MIPOL1: variants seen among roughly 807,000 people sequenced by gnomAD.
MIPOL1 encodes the protein mirror-image polydactyly 1.
MIPOL1 carries 57 observed loss-of-function variants against 60.9 expected under a neutral mutation model. That is an observed-to-expected ratio of 0.94 (90% CI 0.76 to 1.17). The LOEUF is 1.17. Ranked by LOEUF, MIPOL1 falls within the 50% of genes most tolerant of loss-of-function variation. MIPOL1 has a pLI of 0.00. For synonymous variants in MIPOL1, 179 were observed against 168.8 expected (o/e 1.06, Z -0.47); for missense variants, 551 against 511.6 (o/e 1.08, Z -0.74).
At chr14:37,323,033 G>GTC (rs2088773139) in intron 9 of MIPOL1, among the ~76,000 whole-genome samples, 1 of 152,052 alleles carries the variant, frequency 6.6e-6, no homozygotes, top group Non-Finnish European at 1.5e-5. Flanking sequence ...TGGTGTTTTA[G>GTC]TCATGAAGTC....
intron 9 of MIPOL1, among the ~76,000 whole-genome samples, chr14:37,317,596 T>C (rs574315375): frequency 9.9e-5 from 15 of 152,180 alleles, no homozygotes; most frequent in African/African-American, 3.4e-4. Flanking sequence ...ATGAGGCACA[T>C]AGAAAGAAAC....
chr14:37,271,783 C>A (rs1276606184), intron 6 of MIPOL1, among the ~76,000 whole-genome samples: 1 of 151,466 alleles, frequency 6.6e-6, no homozygotes, highest in African/African-American at 2.4e-5. Flanking sequence ...GATACTCTTA[C>A]AAGAATTTTG....
intron 1 of MIPOL1, among the ~76,000 whole-genome samples, chr14:37,225,465 C>T (rs1198752166): frequency 1.3e-5 from 2 of 152,188 alleles, no homozygotes; most frequent in Non-Finnish European, 2.9e-5. Flanking sequence ...GGCTCAACAC[C>T]ACATGGAAGC....
intron 9 of MIPOL1, among the ~76,000 whole-genome samples, chr14:37,312,748 ATTGT>A (rs1390555306): frequency 6.6e-6 from 1 of 152,096 alleles, no homozygotes; most frequent in Non-Finnish European, 1.5e-5. Context: ...ATAATTAGCA[ATTGT>A]TTGATCAAGG....
At chr14:37,328,293 G>A (rs1027893958) in intron 9 of MIPOL1, among the ~76,000 whole-genome samples, 4 of 152,060 alleles carry the variant, frequency 2.6e-5, no homozygotes, top group Non-Finnish European at 5.9e-5. Context: ...GGGATTACAG[G>A]CATAAGCCAC....
chr14:37,537,422 G>C (rs1043580880), intron 12 of MIPOL1, among the ~76,000 whole-genome samples: 1 of 151,968 alleles, frequency 6.6e-6, no homozygotes, highest in African/African-American at 2.4e-5. Context: ...ATTTTCTGTA[G>C]TATAATGATA....
intron 11 of MIPOL1, among the ~76,000 whole-genome samples, chr14:37,492,854 A>G (rs1003633908): frequency 1.4e-4 from 22 of 152,144 alleles, no homozygotes; most frequent in African/African-American, 3.9e-4. Context: ...TGCTAGTACC[A>G]TCTCACCCTC....
At chr14:37,259,258 T>A (rs566088371) in intron 3 of MIPOL1, among the ~76,000 whole-genome samples, 1 of 152,164 alleles carries the variant, frequency 6.6e-6, no homozygotes, top group East Asian at 1.9e-4. Flanking sequence ...ATATACCTTA[T>A]TAAGAATTAC....
At chr14:37,501,791 G>C (rs572634290) in intron 12 of MIPOL1, 1 of 152,272 alleles carries the variant, frequency 6.6e-6, no homozygotes, top group Admixed American at 6.5e-5. Flanking sequence ...AGCAGGGCAG[G>C]GTGTCACCTC....
chr14:37,250,937 G>A (rs1269915719), intron 3 of MIPOL1, among the ~76,000 whole-genome samples: 1 of 152,090 alleles, frequency 6.6e-6, no homozygotes, highest in Non-Finnish European at 1.5e-5. Context: ...GATTGATAAT[G>A]TAACATATAG....
At chr14:37,233,419 T>TA (rs1970934046) in intron 1 of MIPOL1, among the ~76,000 whole-genome samples, 1 of 152,332 alleles carries the variant, frequency 6.6e-6, no homozygotes, top group Non-Finnish European at 1.5e-5. Context: ...AATTAAAAGA[T>TA]AAAAAATATA....
intron 7 of MIPOL1, among the ~76,000 whole-genome samples, chr14:37,292,065 A>G (rs891880877): frequency 2.0e-5 from 3 of 151,766 alleles, no homozygotes; most frequent in Non-Finnish European, 4.4e-5. Flanking sequence ...AGCTGGGGCT[A>G]CAGGCGCCTG....
chr14:37,458,234 C>T (rs985786886), intron 11 of MIPOL1, among the ~76,000 whole-genome samples: 1 of 152,090 alleles, frequency 6.6e-6, no homozygotes, highest in Admixed American at 6.6e-5. Flanking sequence ...ACTTCAACAT[C>T]CCAATGCCAG....
At chr14:37,452,464 C>T (rs2094434042) in intron 11 of MIPOL1, among the ~76,000 whole-genome samples, 1 of 152,080 alleles carries the variant, frequency 6.6e-6, no homozygotes, top group Admixed American at 6.6e-5. Flanking sequence ...ATTTTTAATG[C>T]AAGTTACTAC....
chr14:37,295,730 G>A (rs1644329421), intron 7 of MIPOL1, among the ~76,000 whole-genome samples: 2 of 152,136 alleles, frequency 1.3e-5, no homozygotes, highest in African/African-American at 4.8e-5. Context: ...ATGGTAAAGG[G>A]ATCAGTTCAA....
At chr14:37,471,293 A>T (rs1225760940) in intron 11 of MIPOL1, among the ~76,000 whole-genome samples, 1 of 152,240 alleles carries the variant, frequency 6.6e-6, no homozygotes, top group Admixed American at 6.5e-5. Flanking sequence ...TTCATAATTT[A>T]GTGAGTCAAA....
chr14:37,408,006 C>A (rs544548451), intron 10 of MIPOL1, among the ~76,000 whole-genome samples: 2 of 150,998 alleles, frequency 1.3e-5, no homozygotes, highest in South Asian at 4.2e-4. Context: ...TGCACCACCA[C>A]GCCTGGCTAA....
intron 10 of MIPOL1, among the ~76,000 whole-genome samples, chr14:37,411,916 A>G (rs1486788846): frequency 1.3e-5 from 2 of 152,146 alleles, no homozygotes; most frequent in African/African-American, 4.8e-5. Context: ...TGCCTCTTAT[A>G]TAGCTTACAT....
intron 6 of MIPOL1, among the ~76,000 whole-genome samples, chr14:37,272,801 T>G (rs1296247279): frequency 1.3e-5 from 2 of 151,588 alleles, no homozygotes; most frequent in Non-Finnish European, 3.0e-5. Flanking sequence ...ATAAGTATTA[T>G]AACGTAGTTA....
Sources: allele counts gnomAD v4.1 joint callset (sites outside exome capture counted in the v4.1 genomes callset), GRCh38; gene constraint gnomAD v4.1.1; transcripts MANE v1.5; gene names NCBI Gene and HGNC (gene_info 2026-07-23, HGNC 2026-07-21).